Variants in SEMA6D observed in about 807,000 individuals in gnomAD.
SEMA6D encodes semaphorin 6D.
In SEMA6D, 35 loss-of-function variants were observed where a neutral mutation model predicts 106.6. The observed-to-expected ratio is 0.33, with a 90% confidence interval of 0.25 to 0.44. SEMA6D has a LOEUF of 0.44. Among genes scored for constraint, SEMA6D ranks in the 20% least tolerant of loss-of-function variants. The pLI is 1.00. For synonymous variants in SEMA6D, 499 were observed against 487.7 expected (o/e 1.02, Z -0.31); for missense variants, 1,185 against 1,345.9 (o/e 0.88, Z 1.87).
At chr15:47,229,255 G>T (rs2032020059) in intron 1 of SEMA6D, among the ~76,000 whole-genome samples, 1 of 151,820 alleles carries the variant, frequency 6.6e-6, no homozygotes, top group Non-Finnish European at 1.5e-5. Flanking sequence ...CTTTCTCATG[G>T]CTCTAGGACT....
intron 1 of SEMA6D, among the ~76,000 whole-genome samples, chr15:47,733,373 G>T (rs1218366687): frequency 3.3e-5 from 5 of 151,964 alleles, no homozygotes; most frequent in African/African-American, 1.2e-4. Context: ...ACCTCTCTTT[G>T]TACAGCTGAT....
intron 1 of SEMA6D, among the ~76,000 whole-genome samples, chr15:47,348,716 C>G (rs1236918242): frequency 1.2e-3 from 52 of 43,836 alleles, no homozygotes; most frequent in South Asian, 7.2e-3. Flanking sequence ...CACACACACA[C>G]ACCACACACA....
intron 4 of SEMA6D, among the ~76,000 whole-genome samples, chr15:47,613,798 G>T (rs1200008856): frequency 1.3e-5 from 2 of 152,040 alleles, no homozygotes; most frequent in Non-Finnish European, 2.9e-5. Context: ...GGGATTACAG[G>T]CGCCCGCCAC....
At chr15:47,514,720 A>G (rs1003413975) in intron 3 of SEMA6D, among the ~76,000 whole-genome samples, 6 of 152,214 alleles carry the variant, frequency 3.9e-5, no homozygotes, top group Admixed American at 2.6e-4. Context: ...TGGTCTACCA[A>G]TTTATCTTCC....
intron 3 of SEMA6D, among the ~76,000 whole-genome samples, chr15:47,563,467 G>T (rs1242206234): frequency 1.3e-5 from 2 of 152,050 alleles, no homozygotes; most frequent in African/African-American, 2.4e-5. Flanking sequence ...CCTCTACAAG[G>T]AACACCTTTC....
chr15:47,674,873 A>G (rs1297443795), intron 4 of SEMA6D, among the ~76,000 whole-genome samples: 1 of 152,174 alleles, frequency 6.6e-6, no homozygotes, highest in African/African-American at 2.4e-5. Flanking sequence ...TCCCTTCCCC[A>G]GCAGAAGTGG....
At chr15:47,566,843 C>T (rs1175534894) in intron 3 of SEMA6D, among the ~76,000 whole-genome samples, 1 of 152,166 alleles carries the variant, frequency 6.6e-6, no homozygotes, top group Non-Finnish European at 1.5e-5. Context: ...GCTGTGTAGT[C>T]CTGACAAAAA....
intron 2 of SEMA6D, among the ~76,000 whole-genome samples, chr15:47,416,340 C>T (rs554668442): frequency 2.8e-3 from 428 of 152,204 alleles, no homozygotes; most frequent in African/African-American, 9.9e-3. Context: ...GTTTTGTCCT[C>T]ATGTTAGAAC....
chr15:47,592,899 A>G (rs1289237392), intron 3 of SEMA6D, among the ~76,000 whole-genome samples: 1 of 152,214 alleles, frequency 6.6e-6, no homozygotes, highest in Non-Finnish European at 1.5e-5. Flanking sequence ...CAGATTAGTG[A>G]TAAAGTGCCA....
At chr15:47,203,500 C>A (rs886956247) in intron 1 of SEMA6D, among the ~76,000 whole-genome samples, 1 of 152,104 alleles carries the variant, frequency 6.6e-6, no homozygotes, top group Non-Finnish European at 1.5e-5. Context: ...AACAAGACAA[C>A]CTTTAACCTT....
intron 1 of SEMA6D, among the ~76,000 whole-genome samples, chr15:47,376,786 A>G (rs537722478): frequency 1.3e-5 from 2 of 152,302 alleles, no homozygotes; most frequent in South Asian, 2.1e-4. Context: ...AGTACCCCCA[A>G]TCTCCTCAAA....
rs755138311 is a variant in SEMA6D at position 47,770,745 on chromosome 15, T to C, written c.2182T>C (p.Tyr728His). Residue 728 changes from tyrosine (Y) to histidine (H), a missense_variant, in exon 19 of 19, where the codon TAC becomes CAC. Tyr to His is a moderately conservative substitution (Grantham distance 83). Around this residue, in one of 3 missense-constraint regions of SEMA6D, gnomAD observed 750 missense variants for 783.5 expected, o/e 0.96. Transcript: ENST00000536845. ...TCTCTTTGACAGCCCTGTCAAGGAA[T>C]ACCAACAGAATATTGATTCTCCTAA... ...NGLFDSPVKEYQQNIDSPKLY... is the reference protein window; with the variant it reads ...NGLFDSPVKEHQQNIDSPKLY... 11 of 1,614,022 alleles carry C rather than the reference T, an allele frequency of 6.8e-6. No individual in the cohort carries two copies. The African/African-American group carries it at 1.5e-4, about 22-fold the overall frequency.
intron 1 of SEMA6D, among the ~76,000 whole-genome samples, chr15:47,341,627 GACTGAGTACTTTTTTTA>G (rs2037815074): frequency 6.6e-6 from 1 of 152,078 alleles, no homozygotes; most frequent in Non-Finnish European, 1.5e-5. Context: ...GTTGAGATGT[GACTGAGTACTTTTTTTA>G]ACTATAAAAT....
intron 1 of SEMA6D, among the ~76,000 whole-genome samples, chr15:47,373,677 T>C (rs980348420): frequency 6.6e-5 from 10 of 152,218 alleles, no homozygotes; most frequent in African/African-American, 2.4e-4. Flanking sequence ...ATCAACCTTG[T>C]AACTGAATAT....
chr15:47,587,025 G>A (rs1474849849), intron 3 of SEMA6D, among the ~76,000 whole-genome samples: 1 of 151,982 alleles, frequency 6.6e-6, no homozygotes, highest in East Asian at 1.9e-4. Context: ...TGGGTTTGAG[G>A]AAAGAGAGAG....
Position 47,586,737 on chromosome 15 carries a change from G to A in SEMA6D, c.-86-14128G>A, listed in dbSNP as rs181196179. On this transcript the variant is annotated intron_variant, in intron 3 of 19. Coordinates refer to the SEMA6D transcript ENST00000558014. ...TTGTGGAATTAAATGAATTGTCTTC[G>A]AAGAAAAATCCTGTAGAACGTATTC... Among the ~76,000 whole-genome samples the A allele has an allele frequency of 1.2e-4, 19 of 152,072 alleles. No homozygotes were observed. In the East Asian group the frequency reaches 3.5e-3, roughly 28 times the overall value.
intron 3 of SEMA6D, among the ~76,000 whole-genome samples, chr15:47,531,093 C>T (rs2044945668): frequency 1.3e-5 from 2 of 152,054 alleles, no homozygotes; most frequent in Non-Finnish European, 2.9e-5. Flanking sequence ...TCCAATTTGC[C>T]TTTAATGTAA....
In SEMA6D at chr15:47,505,678, T is replaced by G. The variant is rs140851258; in HGVS notation, c.-87+35133T>G. 5.2e-3 allele frequency among the ~76,000 whole-genome samples: 785 copies of G among 152,226 alleles called. 5 individuals are homozygous for G. Among genetic ancestry groups the G allele is most frequent in the African/African-American group, 0.018 (748 of 41,534 alleles). ...CGGTTCAGCAAGAATAATGAAAATA[T>G]TACATATACCACATGTGTACATTTA... On this transcript the variant is annotated intron_variant, in intron 3 of 19. Transcript: ENST00000558014.
intron 3 of SEMA6D, among the ~76,000 whole-genome samples, chr15:47,599,940 C>G (rs1256423766): frequency 6.6e-6 from 1 of 151,644 alleles, no homozygotes; most frequent in African/African-American, 2.4e-5. Flanking sequence ...AGTCTTTCAC[C>G]TTAAGGAGAG....
Sources: gnomAD v4.1 joint callset for allele counts (sites outside exome capture counted in the v4.1 genomes callset) on GRCh38, gnomAD v4.1.1 for gene constraint, gnomAD v4.1.1 regional missense constraint, MANE v1.5 for transcripts, NCBI Gene and HGNC (gene_info 2026-07-23, HGNC 2026-07-21) for gene names.